Variants in WWOX observed in about 807,000 individuals in gnomAD.
WWOX encodes the protein WW domain-containing oxidoreductase.
Under a neutral mutation model 46.2 loss-of-function variants are expected in WWOX, and 69 were observed. The observed-to-expected ratio is 1.49, with a 90% CI of 1.23 to 1.82. The LOEUF is 1.82. WWOX is among the 40% of genes most tolerant of loss of function. The pLI is 0.00. For missense variants in WWOX, 919 were observed against 542.6 expected, an observed-to-expected ratio of 1.69 and a Z score of -6.89; for synonymous variants, 359 against 202.6, an observed-to-expected ratio of 1.77 and a Z score of -6.56.
At chr16:79,033,705 C>G (rs562893610) in intron 8 of WWOX, among the ~76,000 whole-genome samples, 3 of 152,342 alleles carry the variant, frequency 2.0e-5, no homozygotes, top group East Asian at 3.9e-4. Flanking sequence ...CCACAGAACA[C>G]TGGCTCCTCA....
At chr16:79,063,080 G>A (rs1415378558) in intron 8 of WWOX, among the ~76,000 whole-genome samples, 1 of 152,186 alleles carries the variant, frequency 6.6e-6, no homozygotes, top group Non-Finnish European at 1.5e-5. Context: ...TTGAAAGTTG[G>A]TGCCGCGCCA....
chr16:78,754,321 T>G (rs2049577949), intron 8 of WWOX, among the ~76,000 whole-genome samples: 2 of 152,144 alleles, frequency 1.3e-5, no homozygotes, highest in Non-Finnish European at 2.9e-5. Context: ...CAGGCTGATT[T>G]CAGACAGCCT....
At chr16:79,176,022 G>C (rs754735541) in intron 8 of WWOX, among the ~76,000 whole-genome samples, 3 of 152,140 alleles carry the variant, frequency 2.0e-5, no homozygotes, top group Non-Finnish European at 1.5e-5. Context: ...TATGAAACTG[G>C]ATTTTCCCTT....
intron 8 of WWOX, among the ~76,000 whole-genome samples, chr16:79,052,613 G>T (rs1175227814): frequency 6.6e-6 from 1 of 152,166 alleles, no homozygotes; most frequent in Non-Finnish European, 1.5e-5. Flanking sequence ...TAGCCAGTCG[G>T]AACAAATACA....
intron 8 of WWOX, among the ~76,000 whole-genome samples, chr16:78,780,975 G>A (rs1412379256): frequency 6.6e-6 from 1 of 152,220 alleles, no homozygotes; most frequent in Non-Finnish European, 1.5e-5. Flanking sequence ...CTTGGGGCCA[G>A]CCTGCAGACT....
chr16:79,013,127 G>A (rs557873546), intron 8 of WWOX, among the ~76,000 whole-genome samples: 4 of 152,354 alleles, frequency 2.6e-5, no homozygotes, highest in East Asian at 1.9e-4. Context: ...GAATTGCCCT[G>A]TTGAGGGTAT....
intron 5 of WWOX, among the ~76,000 whole-genome samples, chr16:78,252,993 A>G (rs996478279): frequency 1.3e-5 from 2 of 152,210 alleles, no homozygotes; most frequent in Non-Finnish European, 2.9e-5. Context: ...CAGTGGCAGT[A>G]ATATCATCTA....
At chr16:78,220,283 A>G (rs1041326435) in intron 5 of WWOX, among the ~76,000 whole-genome samples, 1 of 152,094 alleles carries the variant, frequency 6.6e-6, no homozygotes, top group African/African-American at 2.4e-5. Context: ...TACTTCTATT[A>G]CCTTATGTCT....
At chr16:78,935,701 C>T (rs369852023) in intron 8 of WWOX, among the ~76,000 whole-genome samples, 10 of 151,814 alleles carry the variant, frequency 6.6e-5, no homozygotes, top group African/African-American at 2.4e-4. Flanking sequence ...CACATGTATA[C>T]TTATGTAACA....
At chr16:78,914,250 A>G (rs142960148) in intron 8 of WWOX, among the ~76,000 whole-genome samples, 1,632 of 152,036 alleles carry the variant, frequency 0.011, 39 homozygotes, top group South Asian at 0.029. Context: ...TCATTCATTC[A>G]TTGCTAATTT....
chr16:78,129,209 G>A (rs2033488582), intron 4 of WWOX, among the ~76,000 whole-genome samples: 1 of 152,124 alleles, frequency 6.6e-6, no homozygotes, highest in East Asian at 1.9e-4. Context: ...ATCCGGGAGG[G>A]ATTTGGGAAA....
At chr16:79,070,156 G>C (rs2048521947) in intron 8 of WWOX, among the ~76,000 whole-genome samples, 1 of 152,092 alleles carries the variant, frequency 6.6e-6, no homozygotes, top group South Asian at 2.1e-4. Flanking sequence ...TAATACCAAG[G>C]CAATGCAGGT....
At chr16:78,584,457 G>C (rs1388980685) in intron 8 of WWOX, among the ~76,000 whole-genome samples, 1 of 152,170 alleles carries the variant, frequency 6.6e-6, no homozygotes, top group Non-Finnish European at 1.5e-5. Flanking sequence ...AACTGAAACA[G>C]TAATTCCCAT....
chr16:78,465,963 G>A (rs972323265), intron 8 of WWOX, among the ~76,000 whole-genome samples: 22 of 152,090 alleles, frequency 1.4e-4, no homozygotes, highest in African/African-American at 5.1e-4. Flanking sequence ...AATACGCATC[G>A]GTGGTTTCTG....
intron 8 of WWOX, among the ~76,000 whole-genome samples, chr16:78,736,014 C>T (rs948517526): frequency 2.0e-5 from 3 of 152,180 alleles, no homozygotes; most frequent in African/African-American, 7.2e-5. Context: ...ACTGTCTGAA[C>T]CCTGTGTTTT....
At chr16:78,931,647 A>C (rs1305147190) in intron 8 of WWOX, among the ~76,000 whole-genome samples, 1 of 152,232 alleles carries the variant, frequency 6.6e-6, no homozygotes, top group Non-Finnish European at 1.5e-5. Flanking sequence ...CAGAATATGC[A>C]GTCATGGAGT....
At chr16:78,355,951 G>A (rs917362412) in intron 5 of WWOX, 4 of 219,652 alleles carry the variant, frequency 1.8e-5, no homozygotes, top group Non-Finnish European at 2.7e-5. Flanking sequence ...ATAATTCTGG[G>A]GATTCTTCCA....
intron 5 of WWOX, among the ~76,000 whole-genome samples, chr16:78,291,070 C>A (rs930174349): frequency 2.6e-5 from 4 of 152,150 alleles, no homozygotes; most frequent in African/African-American, 9.7e-5. Flanking sequence ...TTACACAGTG[C>A]ACTTTCTCTC....
chr16:78,774,070 C>T (rs1377919348), intron 8 of WWOX, among the ~76,000 whole-genome samples: 1 of 152,142 alleles, frequency 6.6e-6, no homozygotes, highest in Non-Finnish European at 1.5e-5. Context: ...GGAAGCCCGT[C>T]TAGGTCCTTC....
Sources: allele counts gnomAD v4.1 joint callset (sites outside exome capture counted in the v4.1 genomes callset), GRCh38; gene constraint gnomAD v4.1.1; transcripts MANE v1.5; gene names NCBI Gene and HGNC (gene_info 2026-07-23, HGNC 2026-07-21).